Variants in GRIP1 observed in about 807,000 individuals in gnomAD.
GRIP1 encodes glutamate receptor-interacting protein 1.
Under a neutral mutation model 129.9 loss-of-function variants are expected in GRIP1, and 45 were observed. That is an observed-to-expected ratio of 0.35 (90% confidence interval 0.27 to 0.44). GRIP1 has a LOEUF of 0.44. GRIP1 is among the 20% of genes least tolerant of loss of function. The probability of loss-of-function intolerance (pLI) is 1.00; values close to 1 mark genes in which losing one functional copy is unlikely to be tolerated. For missense variants in GRIP1, 1,196 were observed against 1,396.8 expected (o/e 0.86, Z 2.29); for synonymous variants, 530 against 520.8 (o/e 1.02, Z -0.24).
chr12:66,469,617 T>C (rs1173516787), intron 7 of GRIP1, among the ~76,000 whole-genome samples: 5 of 152,132 alleles, frequency 3.3e-5, no homozygotes, highest in African/African-American at 4.8e-5. Context: ...TCTATCATAG[T>C]AAGGTCCTAA....
intron 11 of GRIP1, among the ~76,000 whole-genome samples, chr12:66,451,421 T>TTTTTC (rs1565752142): frequency 8.7e-6 from 1 of 115,558 alleles, no homozygotes; most frequent in Admixed American, 9.5e-5. Flanking sequence ...TTTTTTTTTT[T>TTTTTC]CAGATAGGCT....
At chr12:67,021,809 C>T (rs1416005011) in intron 1 of GRIP1, among the ~76,000 whole-genome samples, 1 of 152,114 alleles carries the variant, frequency 6.6e-6, no homozygotes, top group Non-Finnish European at 1.5e-5. Context: ...CCCCCCATTC[C>T]CTTTTCCTTC....
chr12:66,665,998 A>T (rs1168778856), intron 1 of GRIP1, among the ~76,000 whole-genome samples: 1 of 152,112 alleles, frequency 6.6e-6, no homozygotes, highest in Non-Finnish European at 1.5e-5. Flanking sequence ...TTTACAACAT[A>T]TTCTATGTAA....
At position 66,912,480 on chromosome 12, in the gene GRIP1, A is replaced by G. The variant is rs1377994828; in HGVS notation, c.58+156570T>C. 3.3e-5 allele frequency among the ~76,000 whole-genome samples: 5 copies of G among 152,294 alleles called. No individual in the cohort carries two copies. In the East Asian group the frequency reaches 9.6e-4, roughly 29 times the overall value. On this transcript the variant is annotated intron_variant, in intron 1 of 1. Transcript: ENST00000643019. ...GATCTTCCTGGCAGCCTAGGCAAAA[A>G]GAAAAAACATGAAAAAATATTCAAT...
chr12:66,690,593 C>T (rs568909210), intron 1 of GRIP1, among the ~76,000 whole-genome samples: 1 of 151,496 alleles, frequency 6.6e-6, no homozygotes, highest in African/African-American at 2.4e-5. Flanking sequence ...AGACCAAGCA[C>T]GATGGCTCAT....
chr12:66,640,772 A>G (rs1467930734), intron 1 of GRIP1, among the ~76,000 whole-genome samples: 1 of 152,232 alleles, frequency 6.6e-6, no homozygotes, highest in Non-Finnish European at 1.5e-5. Flanking sequence ...GGGTTTTGTC[A>G]TAATCTTTCA....
intron 7 of GRIP1, among the ~76,000 whole-genome samples, chr12:66,498,338 G>A (rs2060296441): frequency 6.6e-6 from 1 of 152,354 alleles, no homozygotes; most frequent in Middle Eastern, 3.4e-3. Flanking sequence ...GAAGATGGGA[G>A]AGGAACAGGC....
At chr12:66,904,953 G>A (rs950169213) in intron 1 of GRIP1, among the ~76,000 whole-genome samples, 3 of 151,870 alleles carry the variant, frequency 2.0e-5, no homozygotes, top group African/African-American at 7.2e-5. Flanking sequence ...TAAAGCAAAA[G>A]AGAGTTTAAA....
chr12:66,862,401 T>C (rs568923794), intron 1 of GRIP1, among the ~76,000 whole-genome samples: 1 of 152,256 alleles, frequency 6.6e-6, no homozygotes, highest in Non-Finnish European at 1.5e-5. Context: ...CATGGAATAC[T>C]TCTTGGAGGC....
intron 7 of GRIP1, among the ~76,000 whole-genome samples, chr12:66,488,643 T>C (rs932886064): frequency 1.3e-5 from 2 of 152,020 alleles, no homozygotes; most frequent in East Asian, 1.9e-4. Context: ...CTGAAGGAGA[T>C]AGAGATGTGA....
At chr12:67,051,549 G>C in intron 1 of GRIP1, among the ~76,000 whole-genome samples, 1 of 152,194 alleles carries the variant, frequency 6.6e-6, no homozygotes, top group East Asian at 1.9e-4. Context: ...AGTTCCCCAG[G>C]AAGGGGTTCC....
chr12:66,455,071 A>G (rs2138227871), intron 11 of GRIP1, among the ~76,000 whole-genome samples: 1 of 152,316 alleles, frequency 6.6e-6, no homozygotes, highest in East Asian at 1.9e-4. Context: ...GTCCAAAGCC[A>G]CCCAGAATAT....
At chr12:66,631,122 G>C (rs1487995343) in intron 1 of GRIP1, among the ~76,000 whole-genome samples, 1 of 152,072 alleles carries the variant, frequency 6.6e-6, no homozygotes, top group Non-Finnish European at 1.5e-5. Flanking sequence ...ATTTATAGTA[G>C]AGAAGGGGTT....
At chr12:66,814,263 A>C (rs939430621) in intron 1 of GRIP1, among the ~76,000 whole-genome samples, 1 of 152,158 alleles carries the variant, frequency 6.6e-6, no homozygotes, top group South Asian at 2.1e-4. Context: ...ATAGTACCAT[A>C]TTCATAGGAT....
At position 66,707,502 on chromosome 12, in the gene GRIP1, CTAA is replaced by C. The variant is rs532857943; in HGVS notation, c.-419-77169_-419-77167del. Among the ~76,000 whole-genome samples the C allele has an allele frequency of 6.0e-3, 519 of 86,016 alleles. 2 individuals carry two copies. Among genetic ancestry groups the C allele is most frequent in the African/African-American group, 0.02 (441 of 22,290 alleles). The allele number at this position is 86,016 out of a possible 152,430, so 56.4% of individuals were successfully genotyped here. Reference sequence around the variant, plus strand: ...TTTAACTGTCTGCGCCAATCACTGACTAAAAAAAAAAAAAAAAAAAAAAAAGAT... The same window carrying C: ...TTTAACTGTCTGCGCCAATCACTGACAAAAAAAAAAAAAAAAAAAAAAGAT... On this transcript the variant is annotated intron_variant, in intron 1 of 4. Coordinates refer to the GRIP1 transcript ENST00000538373.
At chr12:66,484,680 A>G (rs1194752735) in intron 7 of GRIP1, among the ~76,000 whole-genome samples, 1 of 152,028 alleles carries the variant, frequency 6.6e-6, no homozygotes, top group East Asian at 1.9e-4. Flanking sequence ...TGGAAAGGAG[A>G]AGGGGCGGGG....
chr12:66,480,115 G>C (rs1026863698), intron 7 of GRIP1, among the ~76,000 whole-genome samples: 2 of 152,178 alleles, frequency 1.3e-5, no homozygotes, highest in Admixed American at 1.3e-4. Flanking sequence ...AGTAGGAAGA[G>C]AGGAAGTCAA....
intron 1 of GRIP1, among the ~76,000 whole-genome samples, chr12:66,792,652 ATC>A (rs1182858630): frequency 6.6e-6 from 1 of 152,156 alleles, no homozygotes; most frequent in Non-Finnish European, 1.5e-5. Flanking sequence ...AAACTAAGAG[ATC>A]TCTGTCTCAT....
intron 1 of GRIP1, among the ~76,000 whole-genome samples, chr12:66,922,321 T>C (rs908328709): frequency 6.6e-6 from 1 of 152,198 alleles, no homozygotes; most frequent in African/African-American, 2.4e-5. Flanking sequence ...GGAAGCATCA[T>C]TGCCCTTCAC....
Sources: allele counts gnomAD v4.1 joint callset (sites outside exome capture counted in the v4.1 genomes callset), GRCh38; gene constraint gnomAD v4.1.1; transcripts MANE v1.5; gene names NCBI Gene and HGNC (gene_info 2026-07-23, HGNC 2026-07-21).